Variants in CPSF2 observed in about 807,000 individuals in gnomAD.
CPSF2 encodes cleavage and polyadenylation specificity factor subunit 2.
In CPSF2, 51 loss-of-function variants were observed where a neutral mutation model predicts 84.2. That is an observed-to-expected ratio of 0.61 (90% CI 0.48 to 0.77). CPSF2 has a LOEUF of 0.77. CPSF2 is among the 30% of genes least tolerant of loss of function. CPSF2 has a pLI of 0.00. For synonymous variants in CPSF2, 286 were observed against 311.9 expected, an observed-to-expected ratio of 0.92 and a Z score of 0.87; for missense variants, 641 against 929.4, an observed-to-expected ratio of 0.69 and a Z score of 4.03.
intron 7 of CPSF2, among the ~76,000 whole-genome samples, chr14:92,140,518 C>T (rs1243695121): frequency 4.0e-5 from 6 of 149,892 alleles, no homozygotes; most frequent in Non-Finnish European, 8.9e-5. Context: ...TTGCAACCTC[C>T]ACCTCCTGGG....
At chr14:92,158,182 G>A (rs986867832) in intron 13 of CPSF2, among the ~76,000 whole-genome samples, 1 of 152,170 alleles carries the variant, frequency 6.6e-6, no homozygotes, top group African/African-American at 2.4e-5. Flanking sequence ...TGTTTAGATG[G>A]GTTGTCAGGA....
At chr14:92,141,975 A>G (rs1490312296) in intron 7 of CPSF2, among the ~76,000 whole-genome samples, 189 bp from the exon 8 acceptor site, 2 of 152,240 alleles carry the variant, frequency 1.3e-5, no homozygotes, top group African/African-American at 4.8e-5. Flanking sequence ...GAATATATGA[A>G]GAGATATTCA....
intron 1 of CPSF2, among the ~76,000 whole-genome samples, chr14:92,123,848 A>C (rs58036446): frequency 0.2 from 30,687 of 152,168 alleles, 3,362 homozygotes; most frequent in East Asian, 0.29. Context: ...TGACCACTGA[A>C]GTTGGTATTG....
Position 92,143,116 on chromosome 14 carries a change from C to G in CPSF2, c.962C>G (p.Pro321Arg). The G allele has an allele frequency of 1.9e-6, 3 of 1,614,100 alleles. No homozygotes were observed. Among genetic ancestry groups the G allele is most frequent in the Non-Finnish European group, 2.5e-6 (3 of 1,180,020 alleles). Residue 321 changes from proline to arginine, a missense_variant, in exon 9 of 16, where the codon CCT becomes CGT. By Grantham distance (103) the Pro-to-Arg change is moderately radical. Transcript: ENST00000298875. ...GGTCTTTCTGACTTGGCCCGTGTAC[C>G]TAGCCCTAAAGTTGTACTTGCCAGC... ...CHGLSDLARV[P>R]SPKVVLASQP...
At chr14:92,160,306 CTT>C (rs1367696909) in intron 14 of CPSF2, among the ~76,000 whole-genome samples, 2 of 152,148 alleles carry the variant, frequency 1.3e-5, no homozygotes, top group Non-Finnish European at 2.9e-5. Flanking sequence ...GTTCAAATAA[CTT>C]TTGGTTTTGA....
intron 7 of CPSF2, among the ~76,000 whole-genome samples, chr14:92,139,669 G>T (rs905401470): frequency 2.0e-5 from 3 of 150,618 alleles, no homozygotes; most frequent in Non-Finnish European, 3.0e-5. Flanking sequence ...CTCCCAAGTA[G>T]CTGGGATTAC....
chr14:92,139,062 A>G (rs1386654986), intron 7 of CPSF2, among the ~76,000 whole-genome samples: 1 of 152,160 alleles, frequency 6.6e-6, no homozygotes, highest in Non-Finnish European at 1.5e-5. Flanking sequence ...TATCCCTGGC[A>G]CTCACTGGCA....
Position 92,166,916 on chromosome 14 carries a change from T to C in CPSF2, c.*5172T>C, listed in dbSNP as rs758063836. The C allele has an allele frequency of 1.3e-5, 2 of 152,098 alleles. No homozygotes were observed. The highest frequency in any genetic ancestry group is 6.6e-5 in the Admixed American group (1 of 15,264). 9.4% of individuals were successfully genotyped at this position (152,098 alleles called of 1,614,324 possible). On this transcript the variant is annotated 3_prime_UTR_variant, in exon 16 of 16. Transcript: ENST00000298875. Reference sequence around the variant, plus strand: ...ACTTTTGAAATTGGGGAAGTGTGAGTTCCCCAACTTTAGTTCTCCTTCAGG... The same window carrying C: ...ACTTTTGAAATTGGGGAAGTGTGAGCTCCCCAACTTTAGTTCTCCTTCAGG...
At chr14:92,126,594 T>A (rs865777757) in intron 2 of CPSF2, among the ~76,000 whole-genome samples, 6 of 152,190 alleles carry the variant, frequency 3.9e-5, no homozygotes, top group Non-Finnish European at 8.8e-5. Flanking sequence ...GTGGATCACT[T>A]GAGCCCAGGA....
At position 92,171,470 on chromosome 14, in the gene CPSF2, A is replaced by T. The variant is rs1010070919; in HGVS notation, c.*9726A>T. 1 of 152,180 alleles carries T rather than the reference A, an allele frequency of 6.6e-6. No individual in the cohort carries two copies. Among genetic ancestry groups the T allele is most frequent in the Non-Finnish European group, 1.5e-5 (1 of 68,028 alleles). 9.4% of individuals were successfully genotyped at this position (152,180 alleles called of 1,614,324 possible). ...CAGCTAGCTCCTGTGTCCTTTGGAC[A>T]TACCCCATGGTTCATTGAGCACTTC... is the stretch of plus-strand genomic sequence containing the variant. On this transcript the variant is annotated 3_prime_UTR_variant, in exon 16 of 16. Transcript: ENST00000298875.
intron 9 of CPSF2, among the ~76,000 whole-genome samples, chr14:92,146,740 T>G (rs867713346): frequency 1.3e-5 from 2 of 152,282 alleles, no homozygotes; most frequent in Non-Finnish European, 2.9e-5. Flanking sequence ...TCCAAAGCCT[T>G]CCTTCTTCTC....
chr14:92,123,519 CT>C (rs2068806422), intron 1 of CPSF2, among the ~76,000 whole-genome samples: 1 of 152,066 alleles, frequency 6.6e-6, no homozygotes, highest in Admixed American at 6.6e-5. Context: ...CCACCTCAGC[CT>C]CCCAAGTAGC....
intron 1 of CPSF2, among the ~76,000 whole-genome samples, chr14:92,125,740 A>G (rs2068837793): frequency 3.3e-5 from 5 of 152,072 alleles, no homozygotes; most frequent in Admixed American, 3.3e-4. Flanking sequence ...AAACTTACTC[A>G]AAAGTGTAGA....
rs566867665 is a variant in CPSF2, at chr14:92,139,244, C to T, written c.661+897C>T. Among the ~76,000 whole-genome samples the T allele has an allele frequency of 3.0e-3, 458 of 152,044 alleles. 3 individuals are homozygous for T. Among genetic ancestry groups the T allele is most frequent in the Middle Eastern group, 6.8e-3 (2 of 294 alleles). ...CATCCTGGCTAACACGGTGAAACCC[C>T]GTCTCTACTAAATATACAAAAAATT... is the stretch of plus-strand genomic sequence containing the variant. On this transcript the variant is annotated intron_variant, in intron 7 of 15. Transcript: ENST00000298875.
rs34949817 is a variant in CPSF2 at position 92,143,544 on chromosome 14, T to TAA, written c.1140+258_1140+259dup. On this transcript the variant is annotated intron_variant, in intron 9 of 15. Coordinates refer to ENST00000298875, the MANE Select transcript of CPSF2 (RefSeq NM_017437.3). Reference sequence around the variant, plus strand: ...ATGCCAAGACCCACCCCCCATCTCTTAAAAAAAAACTACTGTGGAAGAGAG... The same window carrying TAA: ...ATGCCAAGACCCACCCCCCATCTCTTAAAAAAAAAAACTACTGTGGAAGAGAG... Among the ~76,000 whole-genome samples, 5 of 151,094 alleles carry TAA rather than the reference T, an allele frequency of 3.3e-5. No individual in the cohort carries two copies. In the East Asian group the frequency reaches 5.9e-4, roughly 18 times the overall value.
intron 2 of CPSF2, among the ~76,000 whole-genome samples, chr14:92,130,267 TTTTG>T (rs2068899505): frequency 6.6e-6 from 1 of 152,118 alleles, no homozygotes; most frequent in Non-Finnish European, 1.5e-5. Flanking sequence ...TACTCTTGTT[TTTTG>T]TTTGAGTGTG....
chr14:92,154,125 A>G (rs1595064618), intron 9 of CPSF2: 1 of 317,304 alleles, frequency 3.2e-6, no homozygotes, highest in East Asian at 5.6e-5. Flanking sequence ...TGCCTGGCCA[A>G]CCAGTTTGAT....
In CPSF2 at chr14:92,167,273, A is replaced by C. The variant is rs778963199; in HGVS notation, c.*5529A>C. The stretch of plus-strand genomic sequence containing the variant: ...GTAACCCGGCTGCCTCAGCCTCCCA[A>C]AGTGCTGGGATTACAGTCGTGAGCC... On this transcript the variant is annotated 3_prime_UTR_variant, in exon 16 of 16. Coordinates refer to ENST00000298875, the MANE Select transcript of CPSF2 (RefSeq NM_017437.3). 2.6e-5 allele frequency: 4 copies of C among 151,986 alleles called. No homozygotes were observed. In the South Asian group the frequency reaches 6.2e-4, roughly 24 times the overall value. The allele number at this position is 151,986 out of a possible 1,614,324, so 9.4% of individuals were successfully genotyped here.
chr14:92,159,124 G>A lies in CPSF2; in HGVS notation c.1963G>A (p.Asp655Asn). Residue 655 changes from aspartate (D) to asparagine (N), a missense_variant, in exon 14 of 16, where the codon GAT (aspartate) becomes AAT (asparagine). Asp to Asn is a conservative substitution (Grantham distance 23). This residue lies in a region of CPSF2 where 430 missense variants were observed against 553.6 expected (regional missense o/e 0.78). Coordinates refer to ENST00000298875, the MANE Select transcript of CPSF2 (RefSeq NM_017437.3). Reference protein sequence around the residue: ...GVILEEGELKDDGEDSEMQVE... With the variant: ...GVILEEGELKNDGEDSEMQVE... ...TATTTTAGAAGAAGGAGAACTAAAGGATGATGGAGAAGACTCAGAGATGCA... is the reference window on the plus strand; with the variant it reads ...TATTTTAGAAGAAGGAGAACTAAAGAATGATGGAGAAGACTCAGAGATGCA... The A allele has an allele frequency of 6.2e-7, 1 of 1,614,070 alleles. No homozygotes were observed. The highest frequency in any genetic ancestry group is 8.5e-7 in the Non-Finnish European group (1 of 1,179,990).
Sources: gnomAD v4.1 joint callset for allele counts (sites outside exome capture counted in the v4.1 genomes callset) on GRCh38, gnomAD v4.1.1 for gene constraint, gnomAD v4.1.1 regional missense constraint, MANE v1.5 for transcripts, NCBI Gene and HGNC (gene_info 2026-07-23, HGNC 2026-07-21) for gene names.